GTF3C3: variants seen among roughly 807,000 people sequenced by gnomAD.
GTF3C3 encodes the protein general transcription factor IIIC subunit 3, also known as general transcription factor 3C polypeptide 3.
A neutral mutation model predicts 105.2 loss-of-function variants in GTF3C3; 75 were observed. The observed-to-expected ratio is 0.71, with a 90% CI of 0.59 to 0.86. The LOEUF is 0.86. Ranked by LOEUF, GTF3C3 falls within the 40% of genes least tolerant of loss-of-function variation. GTF3C3 has a pLI of 0.00. For missense variants in GTF3C3, 856 were observed against 1,076.5 expected (o/e 0.80, Z 2.87); for synonymous variants, 335 against 370.4 (o/e 0.90, Z 1.10).
At chr2:196,789,087 C>A (rs768716329) in intron 6 of GTF3C3, 117 bp downstream of exon 6, 10 of 851,136 alleles carry the variant, frequency 1.2e-5, no homozygotes, top group Non-Finnish European at 1.6e-5. Flanking sequence ...CAATAAAACA[C>A]ATAAGGCAAA....
At chr2:196,771,726 A>C (rs750646508) in intron 15 of GTF3C3, 22 bp downstream of exon 15, 11 of 1,552,432 alleles carry the variant, frequency 7.1e-6, no homozygotes, top group Admixed American at 6.7e-5. Flanking sequence ...TGCTTGACAA[A>C]GTCACGTGCC....
chr2:196,772,336 G>A (rs562264645), intron 14 of GTF3C3, among the ~76,000 whole-genome samples: 2 of 152,086 alleles, frequency 1.3e-5, no homozygotes, highest in South Asian at 2.1e-4. Flanking sequence ...GGCACCTGAG[G>A]TCGGGAGTTG....
At chr2:196,777,224 T>G (rs950526207) in intron 10 of GTF3C3, among the ~76,000 whole-genome samples, 1 of 152,144 alleles carries the variant, frequency 6.6e-6, no homozygotes, top group African/African-American at 2.4e-5. Flanking sequence ...AAAGTGCCCT[T>G]TAGAAAGGCC....
Position 196,776,121 on chromosome 2 carries a change from TA to T in GTF3C3, c.1594-11del, listed in dbSNP as rs769541892. 2.2e-6 allele frequency: 3 copies of T among 1,386,056 alleles called. No homozygotes were observed. The Admixed American group carries it at 5.9e-5, about 27-fold the overall frequency. The allele number at this position is 1,386,056 out of a possible 1,614,324, so 85.9% of individuals were successfully genotyped here. On this transcript the variant is annotated splice_polypyrimidine_tract_variant and intron_variant, in intron 11 of 17. Coordinates refer to ENST00000263956, the MANE Select transcript of GTF3C3 (RefSeq NM_012086.5). This position sits in a 1 kb window ranked among gnomAD's most constrained non-coding sequence, Gnocchi z 4.5. ...GCAATAACTTCAGTTCCTAAACAAA[TA>T]AGCACATGATGATGAGCCTAACAAG...
In GTF3C3 at chr2:196,797,808, T is replaced by A; in HGVS notation, c.203A>T (p.Asp68Val). ...GINSTKSQDK[D>V]VNEGETSDGV... ...TAATTTTAACATACCTTCATTGACA[T>A]CTTTGTCTTGGGATTTGGTAGAGTT... The change falls in exon 2 of 18, where the codon GAT (aspartate) becomes GTT (valine). Residue 68 changes from aspartate to valine, a missense_variant. Asp to Val is a radical substitution (Grantham distance 152). Around this residue, in one of 3 missense-constraint regions of GTF3C3, gnomAD observed 117 missense variants for 114.0 expected, o/e 1.03. Transcript: ENST00000263956. 1.9e-6 allele frequency: 3 copies of A among 1,573,920 alleles called. No homozygotes were observed. The highest frequency in any genetic ancestry group is 2.6e-6 in the Non-Finnish European group (3 of 1,143,488).
At chr2:196,765,755 A>G (rs1699052148) in intron 17 of GTF3C3, among the ~76,000 whole-genome samples, 1 of 151,996 alleles carries the variant, frequency 6.6e-6, no homozygotes. Context: ...TCACGCCTGT[A>G]ATCCCAGCAC....
intron 12 of GTF3C3, 112 bp from the exon 13 acceptor site, chr2:196,775,363 C>T: frequency 1.1e-6 from 1 of 884,268 alleles, no homozygotes; most frequent in Non-Finnish European, 1.7e-6. Flanking sequence ...TCAAGTGATC[C>T]TCTCACCTTA....
intron 10 of GTF3C3, 144 bp downstream of exon 10, chr2:196,778,752 G>C (rs903657132): frequency 1.4e-6 from 1 of 691,274 alleles, no homozygotes; most frequent in African/African-American, 1.8e-5. Context: ...TAGTAGCCTA[G>C]CAAGACAATT....
intron 16 of GTF3C3, among the ~76,000 whole-genome samples, chr2:196,768,839 C>T (rs985447437): frequency 6.6e-6 from 1 of 152,108 alleles, no homozygotes; most frequent in Non-Finnish European, 1.5e-5. Context: ...ACATATTTTA[C>T]ATATTTAATG....
Position 196,799,668 on chromosome 2 carries a change from G to C in GTF3C3, c.-57C>G. On this transcript the variant is annotated 5_prime_UTR_variant, in exon 1 of 18. Coordinates refer to ENST00000263956, the MANE Select transcript of GTF3C3 (RefSeq NM_012086.5). ...ACCGGGACAGAGAACCGGAAGAGCAGCGCCTTCCAGAAGCTACCTCGCCGG... is the reference window on the plus strand; with the variant it reads ...ACCGGGACAGAGAACCGGAAGAGCACCGCCTTCCAGAAGCTACCTCGCCGG... 7.8e-7 allele frequency: 1 copy of C among 1,278,552 alleles called. No individual in the cohort carries two copies. The highest frequency in any genetic ancestry group is 1.1e-6 in the Non-Finnish European group (1 of 877,876). The allele number at this position is 1,278,552 out of a possible 1,614,324, so 79.2% of individuals were successfully genotyped here. A position where few individuals can be genotyped will look rare whatever the true frequency, so the allele number is the denominator to read the frequency against.
Position 196,785,534 on chromosome 2 carries a change from A to G in GTF3C3, c.948T>C (p.Ala316=), listed in dbSNP as rs758167559. Residue 316 remains alanine (A), a synonymous_variant, in exon 7 of 18, where the codon GCT becomes GCC. Transcript: ENST00000263956. ...VTSAINIIDE[A]FSKHQGLVSM... Reference sequence around the variant, plus strand: ...AGACTAGGCCCTGGTGTTTTGAGAAAGCTTCATCAATTATGTTAATAGCAG... The same window carrying G: ...AGACTAGGCCCTGGTGTTTTGAGAAGGCTTCATCAATTATGTTAATAGCAG... The G allele has an allele frequency of 3.7e-6, 6 of 1,608,916 alleles. No individual in the cohort carries two copies. The highest frequency in any genetic ancestry group is 3.3e-5 in the South Asian group (3 of 90,906).
Position 196,773,029 on chromosome 2 carries a change from T to C in GTF3C3, c.1956A>G (p.Ser652=). ...CATCATAAAATGAGTAATATTCCAA[T>C]GAGGAATCTACAAGCAACTCAGCCT... ...FQEAELLVDS[S]LEYYSFYDDR... The change falls in exon 14 of 18, where the codon TCA becomes TCG. Residue 652 remains serine (S), a synonymous_variant. Coordinates refer to ENST00000263956, the MANE Select transcript of GTF3C3 (RefSeq NM_012086.5). 1.2e-6 allele frequency: 2 copies of C among 1,611,188 alleles called. No homozygotes were observed. The highest frequency in any genetic ancestry group is 1.7e-6 in the Non-Finnish European group (2 of 1,177,378).
chr2:196,794,308 A>G (rs1699600253), intron 2 of GTF3C3, among the ~76,000 whole-genome samples: 1 of 152,198 alleles, frequency 6.6e-6, no homozygotes, highest in Non-Finnish European at 1.5e-5. Flanking sequence ...GTATTCTGTT[A>G]TAAGCAACGG....
chr2:196,777,235 T>G (rs1479107618), intron 10 of GTF3C3, among the ~76,000 whole-genome samples: 1 of 152,192 alleles, frequency 6.6e-6, no homozygotes, highest in East Asian at 1.9e-4. Flanking sequence ...TAGAAAGGCC[T>G]CCTCAGTTTC....
chr2:196,773,091 C>T lies in GTF3C3; in HGVS notation c.1894G>A (p.Ala632Thr). 2 of 1,613,384 alleles carry T rather than the reference C, an allele frequency of 1.2e-6. No homozygotes were observed. The highest frequency in any genetic ancestry group is 1.7e-6 in the Non-Finnish European group (2 of 1,179,620). Residue 632 changes from alanine (A) to threonine (T), a missense_variant, in exon 14 of 18, where the codon GCC becomes ACC. This residue lies in a region of GTF3C3 where 605 missense variants were observed against 833.6 expected (regional missense o/e 0.73). Transcript: ENST00000263956. ...GATAGGTCACATAAGGAGTATATGG[C>T]CTTCAACAGAAGATTCCACCAGTCA... ...KDDWWNLLLKAIYSLCDLSRF... is the reference protein window; with the variant it reads ...KDDWWNLLLKTIYSLCDLSRF...
At chr2:196,778,861 G>A (rs772912709) in intron 10 of GTF3C3, 35 bp downstream of exon 10, 30 of 1,581,076 alleles carry the variant, frequency 1.9e-5, no homozygotes, top group Non-Finnish European at 2.6e-5. Flanking sequence ...CTGCTTATAT[G>A]ATTAAAACTT....
intron 16 of GTF3C3, 99 bp downstream of exon 16, chr2:196,769,816 T>C (rs754057134): frequency 3.6e-5 from 34 of 942,106 alleles, no homozygotes; most frequent in Admixed American, 4.5e-5. Context: ...ACTGAGAGCA[T>C]TGTGTATTAC....
chr2:196,776,441 T>C lies in GTF3C3; in HGVS notation c.1579A>G (p.Asn527Asp). 6.2e-7 allele frequency: 1 copy of C among 1,613,852 alleles called. No individual in the cohort carries two copies. The change falls in exon 11 of 18, where the codon AAT becomes GAT. Residue 527 changes from asparagine (N) to aspartate (D), a missense_variant. Physicochemically the swap from Asn to Asp is conservative, Grantham distance 23. This residue lies in a region of GTF3C3 where 605 missense variants were observed against 833.6 expected (regional missense o/e 0.73). Coordinates refer to ENST00000263956, the MANE Select transcript of GTF3C3 (RefSeq NM_012086.5). This position sits in a 1 kb window ranked among gnomAD's most constrained non-coding sequence, Gnocchi z 4.5. Reference sequence around the variant, plus strand: ...ACATGGCCCACCTGCTGTGCAGCATTTGCATCCTGTGCTAAAGTATCTGGA... The same window carrying C: ...ACATGGCCCACCTGCTGTGCAGCATCTGCATCCTGTGCTAAAGTATCTGGA... The part of the protein sequence containing the change: ...YDPDTLAQDA[N>D]AAQQELKLLL...
At chr2:196,784,085 G>A (rs1215182400) in intron 8 of GTF3C3, among the ~76,000 whole-genome samples, 32 of 152,110 alleles carry the variant, frequency 2.1e-4, no homozygotes, top group Admixed American at 2.1e-3. Flanking sequence ...GAATAATGAT[G>A]CCTTAGCCCA....
Sources: allele counts gnomAD v4.1 joint callset (sites outside exome capture counted in the v4.1 genomes callset), GRCh38; gene constraint gnomAD v4.1.1; regional missense constraint gnomAD v4.1.1; non-coding constraint Gnocchi (gnomAD v3.1); transcripts MANE v1.5; gene names NCBI Gene and HGNC (gene_info 2026-07-23, HGNC 2026-07-21).